Variants in ISY1 observed in about 807,000 individuals in gnomAD.
The protein encoded by ISY1 is pre-mRNA-splicing factor ISY1 homolog.
ISY1 carries 12 observed loss-of-function variants against 54.4 expected under a neutral mutation model. The ratio of observed to expected loss-of-function variants is 0.22; its 90% CI spans 0.14 to 0.36. The LOEUF (loss-of-function observed/expected upper bound fraction) is 0.36, where lower values mean the gene tolerates loss of function less well. ISY1 is among the 10% of genes least tolerant of loss of function. The pLI, the probability that ISY1 is intolerant of heterozygous loss-of-function variation, is 1.00. For missense variants in ISY1, 282 were observed against 342.2 expected, an observed-to-expected ratio of 0.82 and a Z score of 1.39; for synonymous variants, 96 against 117.9, an observed-to-expected ratio of 0.81 and a Z score of 1.20.
intron 6 of ISY1, among the ~76,000 whole-genome samples, chr3:129,140,718 G>A (rs188682613): frequency 6.6e-6 from 1 of 151,794 alleles, no homozygotes; most frequent in Admixed American, 6.6e-5. Context: ...TTACAGGTGC[G>A]TGCCACCACG....
At chr3:129,130,725 T>G in intron 9 of ISY1, 89 bp from the exon 10 acceptor site, 1 of 1,388,818 alleles carries the variant, frequency 7.2e-7, no homozygotes, top group Admixed American at 2.5e-5. Context: ...CTGCAACTAT[T>G]TAAAAGAAAA....
chr3:129,148,125 A>G (rs1037360376), intron 5 of ISY1, among the ~76,000 whole-genome samples: 5 of 152,172 alleles, frequency 3.3e-5, no homozygotes, highest in African/African-American at 1.2e-4. Flanking sequence ...CACGGTGCCT[A>G]GCCTATATGT....
At chr3:129,147,591 G>T (rs1307650127) in intron 5 of ISY1, among the ~76,000 whole-genome samples, 4 of 152,170 alleles carry the variant, frequency 2.6e-5, no homozygotes, top group African/African-American at 7.2e-5. Flanking sequence ...AGGCATCTTG[G>T]AGAAAACAAG....
rs760148915 is a variant in ISY1, at chr3:129,156,680, TAA to T, written c.145-7_145-6del. The T allele has an allele frequency of 1.9e-6, 3 of 1,599,172 alleles. No individual in the cohort carries two copies. In the African/African-American group the frequency reaches 4.0e-5, roughly 22 times the overall value. On this transcript the variant is annotated splice_polypyrimidine_tract_variant and splice_region_variant and intron_variant, in intron 4 of 10. Coordinates refer to ENST00000393295, the MANE Select transcript of ISY1 (RefSeq NM_020701.4). ...TTTAGAGATCTCTCCAATGATCTATTAAAAAAAAGTAATACATTTTAATAATT... is the reference window on the plus strand; with the variant it reads ...TTTAGAGATCTCTCCAATGATCTATTAAAAAAGTAATACATTTTAATAATT...
In ISY1 at chr3:129,127,454, G is replaced by C. The variant is rs1445588098; in HGVS notation, c.*2627C>G. ...CAGTAGATTTTATTAACCAAACAAA[G>C]CCTCCTGAGATTGGTTCTGTCACCT... is the stretch of plus-strand genomic sequence containing the variant. On this transcript the variant is annotated 3_prime_UTR_variant, in exon 11 of 11. Transcript: ENST00000393295. 1.3e-5 allele frequency: 2 copies of C among 152,164 alleles called. No individual in the cohort carries two copies. Among genetic ancestry groups the C allele is most frequent in the African/African-American group, 4.8e-5 (2 of 41,436 alleles). The allele number at this position is 152,164 out of a possible 1,614,324, so 9.4% of individuals were successfully genotyped here. A position where few individuals can be genotyped will look rare whatever the true frequency, so the allele number is the denominator to read the frequency against.
intron 7 of ISY1, among the ~76,000 whole-genome samples, chr3:129,139,418 A>G (rs376817088): frequency 6.6e-6 from 1 of 152,190 alleles, no homozygotes; most frequent in African/African-American, 2.4e-5. Flanking sequence ...AGCCAACTAG[A>G]AGGAGATATA....
chr3:129,130,398 C>T (rs1936203400), intron 10 of ISY1, 152 bp downstream of exon 10: 4 of 1,177,876 alleles, frequency 3.4e-6, no homozygotes, highest in Admixed American at 5.7e-5. Context: ...TTTTTGGACC[C>T]CACACCCTGA....
At chr3:129,152,602 C>G (rs1937010287) in intron 5 of ISY1, among the ~76,000 whole-genome samples, 1 of 151,934 alleles carries the variant, frequency 6.6e-6, no homozygotes, top group African/African-American at 2.4e-5. Context: ...GACGGGGTTT[C>G]ACCGTGTGTT....
chr3:129,148,453 T>G (rs2107613090), intron 5 of ISY1, among the ~76,000 whole-genome samples: 1 of 152,372 alleles, frequency 6.6e-6, no homozygotes, highest in East Asian at 1.9e-4. Context: ...CTTGGCATGG[T>G]CACTATTTGT....
chr3:129,134,992 T>C (rs568770294), intron 7 of ISY1, 38 bp from the exon 8 acceptor site: 39 of 1,577,942 alleles, frequency 2.5e-5, no homozygotes, highest in Non-Finnish European at 3.1e-5. Flanking sequence ...TTCCAAGTCA[T>C]AATCACACTC....
In ISY1 at chr3:129,158,531, G is replaced by C; in HGVS notation, c.55C>G (p.Gln19Glu). The C allele has an allele frequency of 6.2e-7, 1 of 1,613,968 alleles. No individual in the cohort carries two copies. Among genetic ancestry groups the C allele is most frequent in the Non-Finnish European group, 8.5e-7 (1 of 1,180,024 alleles). ...ACCTTCACTTTTCCCTCTTCCAGCT[G>C]AGCCTGGCGAAATCTTGCTAAGGCC... Reference protein sequence around the residue: ...MTALARFRQAQLEEGKVKERR... With the variant: ...MTALARFRQAELEEGKVKERR... Residue 19 changes from glutamine to glutamate, a missense_variant, in exon 3 of 11, where the codon CAG (glutamine) becomes GAG (glutamate). By Grantham distance (29) the Gln-to-Glu change is conservative (BLOSUM62 2). Around this residue, in one of 2 missense-constraint regions of ISY1, gnomAD observed 279 missense variants for 323.6 expected, o/e 0.86. Coordinates refer to ENST00000393295, the MANE Select transcript of ISY1 (RefSeq NM_020701.4).
At chr3:129,131,282 T>C (rs1177406498) in intron 9 of ISY1, among the ~76,000 whole-genome samples, 1 of 152,104 alleles carries the variant, frequency 6.6e-6, no homozygotes, top group East Asian at 1.9e-4. Context: ...GATCTGGTGG[T>C]TCCACTCCTC....
chr3:129,137,902 A>G (rs12490281), intron 7 of ISY1, among the ~76,000 whole-genome samples: 11,223 of 143,938 alleles, frequency 0.078, 560 homozygotes, highest in Non-Finnish European at 0.12. Flanking sequence ...GCAACACAGC[A>G]AGACTCCATG....
chr3:129,157,062 C>G, intron 3 of ISY1, 142 bp from the exon 4 acceptor site: 1 of 860,798 alleles, frequency 1.2e-6, no homozygotes. Flanking sequence ...CCTCATCAAG[C>G]CTTAAACCTC....
At chr3:129,149,953 G>A (rs1183775238) in intron 5 of ISY1, among the ~76,000 whole-genome samples, 1 of 144,292 alleles carries the variant, frequency 6.9e-6, no homozygotes, top group Non-Finnish European at 1.5e-5. Flanking sequence ...CAGGCTGGGT[G>A]ACAGAGAAAG....
At position 129,140,454 on chromosome 3, in the gene ISY1, C is replaced by T; in HGVS notation, c.332G>A (p.Gly111Glu). The T allele has an allele frequency of 6.2e-7, 1 of 1,612,080 alleles. No homozygotes were observed. The highest frequency in any genetic ancestry group is 1.1e-5 in the South Asian group (1 of 90,326). Residue 111 changes from glycine (G) to glutamate (E), a missense_variant, in exon 7 of 11, where the codon GGA (glycine) becomes GAA (glutamate). Physicochemically the swap from Gly to Glu is moderately conservative, Grantham distance 98. Around this residue, in one of 2 missense-constraint regions of ISY1, gnomAD observed 279 missense variants for 323.6 expected, o/e 0.86. Transcript: ENST00000393295. The part of the protein sequence containing the change: ...KVGPKMLDHE[G>E]KEVPGNRGYK... ...ACCTCGGTTTCCTGGGACTTCTTTT[C>T]CTTCATGATCCAGCATTTTAGGGCC... is the stretch of plus-strand genomic sequence containing the variant.
chr3:129,135,151 A>T (rs1167925491), intron 7 of ISY1, among the ~76,000 whole-genome samples, 197 bp from the exon 8 acceptor site: 1 of 152,190 alleles, frequency 6.6e-6, no homozygotes, highest in East Asian at 1.9e-4. Context: ...GTTCGAGACC[A>T]GCCTGACCAA....
chr3:129,137,193 T>C (rs1198517710), intron 7 of ISY1: 5 of 954,660 alleles, frequency 5.2e-6, no homozygotes, highest in Non-Finnish European at 6.2e-6. Flanking sequence ...CCACCGCACC[T>C]GGCCTAAAAA....
In ISY1 at chr3:129,140,460, T is replaced by C. The variant is rs1406038659; in HGVS notation, c.326A>G (p.His109Arg). 2.8e-5 allele frequency: 45 copies of C among 1,610,722 alleles called. No individual in the cohort carries two copies. The highest frequency in any genetic ancestry group is 3.7e-5 in the Non-Finnish European group (44 of 1,179,294). ...GTTTCCTGGGACTTCTTTTCCTTCA[T>C]GATCCAGCATTTTAGGGCCAACTTT... ...YGKVGPKMLD[H>R]EGKEVPGNRG... The change falls in exon 7 of 11, where the codon CAT (histidine) becomes CGT (arginine). Residue 109 changes from histidine (H) to arginine (R), a missense_variant. Coordinates refer to ENST00000393295, the MANE Select transcript of ISY1 (RefSeq NM_020701.4).
Sources: gnomAD v4.1 joint callset for allele counts (sites outside exome capture counted in the v4.1 genomes callset) on GRCh38, gnomAD v4.1.1 for gene constraint, gnomAD v4.1.1 regional missense constraint, MANE v1.5 for transcripts, NCBI Gene and HGNC (gene_info 2026-07-23, HGNC 2026-07-21) for gene names.